The following FAM178B variants were observed in gnomAD, a reference collection of about 807,000 sequenced individuals.
FAM178B encodes family with sequence similarity 178 member B, also known as protein FAM178B.
In FAM178B, 82 loss-of-function variants were observed where a neutral mutation model predicts 91.7. That is an observed-to-expected ratio of 0.89 (90% CI 0.75 to 1.07). The LOEUF (loss-of-function observed/expected upper bound fraction) is 1.07. Among genes scored for constraint, FAM178B ranks in the 50% least tolerant of loss-of-function variants. FAM178B has a pLI of 0.00. For synonymous variants in FAM178B, 368 were observed against 359.4 expected (o/e 1.02, Z -0.27); for missense variants, 769 against 846.7 (o/e 0.91, Z 1.14).
chr2:96,911,478 T>C (rs543252910), intron 12 of FAM178B, among the ~76,000 whole-genome samples: 3 of 152,280 alleles, frequency 2.0e-5, no homozygotes, highest in Admixed American at 2.0e-4. Context: ...CAGGGTGGCA[T>C]GTGAGCCTGG....
chr2:96,922,744 G>T (rs1028993097), intron 10 of FAM178B, among the ~76,000 whole-genome samples: 3 of 150,622 alleles, frequency 2.0e-5, no homozygotes, highest in African/African-American at 7.3e-5. Flanking sequence ...CTCTCTTGTT[G>T]CCCAGGCTGG....
In FAM178B at chr2:96,967,740, T is replaced by C. The variant is rs2082162204; in HGVS notation, c.627-113A>G. The C allele has an allele frequency of 4.3e-6, 3 of 690,216 alleles. No homozygotes were observed. In the East Asian group the frequency reaches 8.2e-5, roughly 19 times the overall value. 42.8% of individuals were successfully genotyped at this position (690,216 alleles called of 1,614,324 possible). ...ACAGCAAGACCAGAGGGCTGCGCCGTCCTGGCTGGTCTCCTTGTGAAGCCG... is the reference window on the plus strand; with the variant it reads ...ACAGCAAGACCAGAGGGCTGCGCCGCCCTGGCTGGTCTCCTTGTGAAGCCG... On this transcript the variant is annotated intron_variant, in intron 4 of 16. Coordinates refer to ENST00000490605, the MANE Select transcript of FAM178B (RefSeq NM_001122646.3).
intron 12 of FAM178B, among the ~76,000 whole-genome samples, chr2:96,917,278 A>G (rs1193616101): frequency 3.9e-5 from 6 of 152,228 alleles, no homozygotes; most frequent in African/African-American, 1.4e-4. Context: ...TAAAATCAAT[A>G]ACACTGATCC....
intron 13 of FAM178B, among the ~76,000 whole-genome samples, chr2:96,900,015 G>A (rs1318598873): frequency 4.6e-5 from 7 of 151,818 alleles, no homozygotes; most frequent in Admixed American, 3.9e-4. Flanking sequence ...CCTCCACCAG[G>A]AAGGCAGCCC....
chr2:96,910,537 C>T (rs2081135177), intron 12 of FAM178B, among the ~76,000 whole-genome samples: 1 of 152,218 alleles, frequency 6.6e-6, no homozygotes, highest in African/African-American at 2.4e-5. Context: ...AACCGCACTC[C>T]TTGCTTCAAA....
At chr2:96,971,068 C>A (rs2082210729) in intron 3 of FAM178B, among the ~76,000 whole-genome samples, 1 of 151,900 alleles carries the variant, frequency 6.6e-6, no homozygotes, top group Non-Finnish European at 1.5e-5. Flanking sequence ...CACCACATCA[C>A]AGGCGCCAGC....
At chr2:96,917,417 T>C (rs551734157) in intron 12 of FAM178B, among the ~76,000 whole-genome samples, 1 of 152,314 alleles carries the variant, frequency 6.6e-6, no homozygotes, top group East Asian at 1.9e-4. Context: ...GCAATTGCCA[T>C]GGGCCCTGGA....
At chr2:96,948,822 T>C (rs59284047) in intron 7 of FAM178B, among the ~76,000 whole-genome samples, 17,191 of 152,142 alleles carry the variant, frequency 0.11, 2,513 homozygotes, top group African/African-American at 0.33. Context: ...CGTCTGATAA[T>C]TGGCCGAGGC....
chr2:96,935,965 A>G (rs1574273437), intron 8 of FAM178B, among the ~76,000 whole-genome samples: 2 of 151,882 alleles, frequency 1.3e-5, no homozygotes, highest in East Asian at 3.9e-4. Context: ...ACTGCACAAC[A>G]CAACCCTAAT....
chr2:96,956,101 T>C (rs949609059), intron 6 of FAM178B, among the ~76,000 whole-genome samples: 1 of 152,226 alleles, frequency 6.6e-6, no homozygotes, highest in African/African-American at 2.4e-5. Context: ...GAGGGGCCTA[T>C]GACTAACTGA....
At chr2:96,969,577 G>A (rs1257007) in intron 4 of FAM178B, among the ~76,000 whole-genome samples, 82,636 of 152,154 alleles carry the variant, frequency 0.54, 27,900 homozygotes, top group Non-Finnish European at 0.76. Context: ...CAGGCACACC[G>A]ACAAGCAGTC....
At chr2:96,960,481 G>A in intron 5 of FAM178B, 41 bp from the exon 6 acceptor site, 2 of 1,505,750 alleles carry the variant, frequency 1.3e-6, no homozygotes, top group South Asian at 1.3e-5. Context: ...ATCAGCAGAT[G>A]CACCTCGGCC....
At chr2:96,892,858 C>T (rs2153368451) in intron 14 of FAM178B, among the ~76,000 whole-genome samples, 1 of 152,302 alleles carries the variant, frequency 6.6e-6, no homozygotes, top group African/African-American at 2.4e-5. Flanking sequence ...CAGCCCATAA[C>T]CAGCTCCAGT....
intron 9 of FAM178B, among the ~76,000 whole-genome samples, chr2:96,927,933 G>A (rs1025578343): frequency 3.3e-5 from 5 of 152,354 alleles, no homozygotes; most frequent in South Asian, 2.1e-4. Context: ...GACGGTGTGC[G>A]ATTGCAGCTC....
At chr2:96,929,704 T>TAGTC (rs2081508239) in intron 8 of FAM178B, among the ~76,000 whole-genome samples, 1 of 152,182 alleles carries the variant, frequency 6.6e-6, no homozygotes, top group Admixed American at 6.5e-5. Flanking sequence ...CTCACGTCCT[T>TAGTC]AGACTCTCTT....
intron 13 of FAM178B, 141 bp downstream of exon 13, chr2:96,902,479 G>A: frequency 1.6e-6 from 1 of 633,628 alleles, no homozygotes; most frequent in Non-Finnish European, 2.9e-6. Flanking sequence ...TGGCATGCAA[G>A]CGGTAATTCT....
At chr2:96,930,075 G>C (rs1385347380) in intron 8 of FAM178B, among the ~76,000 whole-genome samples, 1 of 151,912 alleles carries the variant, frequency 6.6e-6, no homozygotes, top group African/African-American at 2.4e-5. Flanking sequence ...GAAAGTAGCC[G>C]AGCATGGCGG....
intron 12 of FAM178B, among the ~76,000 whole-genome samples, chr2:96,907,558 C>G (rs2081079519): frequency 2.0e-5 from 3 of 152,256 alleles, no homozygotes; most frequent in African/African-American, 7.2e-5. Flanking sequence ...TAGGCCAGGC[C>G]AGCTTCTGCC....
chr2:96,927,766 C>A (rs1048265282), intron 9 of FAM178B, among the ~76,000 whole-genome samples: 2 of 152,186 alleles, frequency 1.3e-5, no homozygotes, highest in Admixed American at 1.3e-4. Context: ...AGAGCGAGAC[C>A]CAGTGGCTAT....
Sources: gnomAD v4.1 joint callset for allele counts (sites outside exome capture counted in the v4.1 genomes callset) on GRCh38, gnomAD v4.1.1 for gene constraint, MANE v1.5 for transcripts, NCBI Gene and HGNC (gene_info 2026-07-23, HGNC 2026-07-21) for gene names.